DCC: variants seen among roughly 807,000 people sequenced by gnomAD.
DCC encodes the protein netrin receptor DCC.
In DCC, 58 loss-of-function variants were observed where a neutral mutation model predicts 172.5. The ratio of observed to expected loss-of-function variants is 0.34; its 90% CI spans 0.27 to 0.42. The LOEUF is 0.42. Among genes scored for constraint, DCC ranks in the 10% least tolerant of loss-of-function variants. The pLI is 1.00. For missense variants in DCC, 1,740 were observed against 1,791.0 expected, an observed-to-expected ratio of 0.97 and a Z score of 0.51; for synonymous variants, 709 against 644.5, an observed-to-expected ratio of 1.10 and a Z score of -1.52.
chr18:52,903,062 T>C (rs1476106945), intron 2 of DCC, among the ~76,000 whole-genome samples: 3 of 152,226 alleles, frequency 2.0e-5, no homozygotes, highest in Admixed American at 6.5e-5. Flanking sequence ...TCCAAGTAGA[T>C]GAAGTTTACA....
intron 1 of DCC, among the ~76,000 whole-genome samples, chr18:52,480,403 T>A (rs2029910791): frequency 6.6e-6 from 1 of 151,382 alleles, no homozygotes; most frequent in Non-Finnish European, 1.5e-5. Flanking sequence ...ATACGTTTTC[T>A]TCAAAGAGAA....
At chr18:52,482,792 A>T (rs2030022691) in intron 1 of DCC, among the ~76,000 whole-genome samples, 1 of 152,144 alleles carries the variant, frequency 6.6e-6, no homozygotes, top group Non-Finnish European at 1.5e-5. Context: ...AACTTGCTGC[A>T]GTTATTTTGT....
intron 1 of DCC, among the ~76,000 whole-genome samples, chr18:52,443,602 G>A (rs1185436671): frequency 6.6e-6 from 1 of 152,146 alleles, no homozygotes; most frequent in African/African-American, 2.4e-5. Context: ...TACAAGAAAG[G>A]AGCTGAGGAA....
At chr18:53,178,680 T>A (rs760455428) in intron 8 of DCC, among the ~76,000 whole-genome samples, 3 of 152,220 alleles carry the variant, frequency 2.0e-5, no homozygotes, top group Non-Finnish European at 2.9e-5. Context: ...GGGTTTTGAA[T>A]TCCAAATTGT....
intron 1 of DCC, among the ~76,000 whole-genome samples, chr18:52,417,471 T>C (rs1222942): frequency 0.15 from 22,328 of 152,048 alleles, 1,863 homozygotes; most frequent in Admixed American, 0.2. Context: ...GAGTGTTTTC[T>C]AACTTGGTTC....
At chr18:52,375,631 G>A (rs1270150365) in intron 1 of DCC, among the ~76,000 whole-genome samples, 1 of 152,160 alleles carries the variant, frequency 6.6e-6, no homozygotes, top group African/African-American at 2.4e-5. Context: ...GATTTGGGAT[G>A]TAACTTTGTG....
At chr18:53,494,834 T>C (rs2046000727) in intron 26 of DCC, among the ~76,000 whole-genome samples, 25 of 152,200 alleles carry the variant, frequency 1.6e-4, no homozygotes, top group Admixed American at 1.6e-3. Context: ...GTGTATTTAA[T>C]CCTGTCATTA....
chr18:52,863,249 T>C (rs1378369416), intron 2 of DCC, among the ~76,000 whole-genome samples: 1 of 152,002 alleles, frequency 6.6e-6, no homozygotes, highest in East Asian at 1.9e-4. Context: ...TTATACACTT[T>C]GCATACAGAA....
intron 2 of DCC, among the ~76,000 whole-genome samples, chr18:52,832,049 GTTTAAAC>G (rs1311673149): frequency 6.6e-6 from 1 of 152,162 alleles, no homozygotes; most frequent in Non-Finnish European, 1.5e-5. Flanking sequence ...AATGGAAATA[GTTTAAAC>G]TTTTTTCAGA....
chr18:53,437,562 A>G (rs2145122976), intron 22 of DCC, among the ~76,000 whole-genome samples: 1 of 143,774 alleles, frequency 7.0e-6, no homozygotes. Context: ...CAGCCTGGGC[A>G]ACAGAGCAAG....
intron 7 of DCC, among the ~76,000 whole-genome samples, chr18:53,089,910 C>G (rs1052727506): frequency 1.9e-4 from 29 of 152,078 alleles, no homozygotes; most frequent in African/African-American, 7.0e-4. Flanking sequence ...TGTTATTTTT[C>G]ATTAACTTGT....
chr18:52,680,196 A>G (rs1185152642), intron 1 of DCC, among the ~76,000 whole-genome samples: 2 of 152,126 alleles, frequency 1.3e-5, no homozygotes, highest in East Asian at 1.9e-4. Flanking sequence ...GGAAAAAGCT[A>G]TAAACAGACA....
intron 2 of DCC, among the ~76,000 whole-genome samples, chr18:52,771,166 G>A (rs1314673715): frequency 6.6e-6 from 1 of 152,196 alleles, no homozygotes; most frequent in African/African-American, 2.4e-5. Flanking sequence ...GGATGGCCCA[G>A]CATTAGAGCT....
At chr18:52,816,905 A>G (rs1598833053) in intron 2 of DCC, 1 of 152,188 alleles carries the variant, frequency 6.6e-6, no homozygotes, top group Non-Finnish European at 1.5e-5. Flanking sequence ...TTTGCTTCTC[A>G]GTGTCAAATA....
intron 1 of DCC, among the ~76,000 whole-genome samples, chr18:52,415,297 G>A (rs1215910237): frequency 2.0e-5 from 3 of 152,022 alleles, no homozygotes; most frequent in Admixed American, 1.3e-4. Context: ...TGGATTTAGT[G>A]CGGCATAGTG....
chr18:52,674,697 C>A (rs979666044), intron 1 of DCC, among the ~76,000 whole-genome samples: 2 of 152,122 alleles, frequency 1.3e-5, no homozygotes, highest in African/African-American at 4.8e-5. Flanking sequence ...GGAGTAGAAC[C>A]CAAATAAATC....
At chr18:52,692,862 AC>A (rs2035950605) in intron 1 of DCC, among the ~76,000 whole-genome samples, 1 of 152,204 alleles carries the variant, frequency 6.6e-6, no homozygotes, top group South Asian at 2.1e-4. Flanking sequence ...CAAGTATAAA[AC>A]AATACAATTA....
At chr18:53,111,798 A>G (rs1055673848) in intron 7 of DCC, among the ~76,000 whole-genome samples, 2 of 151,704 alleles carry the variant, frequency 1.3e-5, no homozygotes, top group African/African-American at 4.8e-5. Flanking sequence ...AAGTATAATG[A>G]ATCTGAAAAG....
At chr18:52,966,407 A>G (rs916959148) in intron 5 of DCC, among the ~76,000 whole-genome samples, 3 of 152,032 alleles carry the variant, frequency 2.0e-5, no homozygotes, top group Admixed American at 6.6e-5. Flanking sequence ...ACCCTGAACA[A>G]TCTCAATTTT....
Sources: gnomAD v4.1 joint callset for allele counts (sites outside exome capture counted in the v4.1 genomes callset) on GRCh38, gnomAD v4.1.1 for gene constraint, MANE v1.5 for transcripts, NCBI Gene and HGNC (gene_info 2026-07-23, HGNC 2026-07-21) for gene names.